Variants in BRINP2 observed in about 807,000 individuals in gnomAD.
The protein encoded by BRINP2 is BMP/retinoic acid-inducible neural-specific protein 2.
Under a neutral mutation model 69.2 loss-of-function variants are expected in BRINP2, and 21 were observed. The ratio of observed to expected loss-of-function variants is 0.30; its 90% CI spans 0.22 to 0.44. The LOEUF is 0.44. Among genes scored for constraint, BRINP2 ranks in the 20% least tolerant of loss-of-function variants. The pLI, the probability that BRINP2 is intolerant of heterozygous loss-of-function variation, is 1.00. For synonymous variants in BRINP2, 380 were observed against 394.1 expected (o/e 0.96, Z 0.42); for missense variants, 877 against 986.0 (o/e 0.89, Z 1.48).
chr1:177,265,578 C>A (rs952449340), intron 4 of BRINP2, among the ~76,000 whole-genome samples: 1 of 152,116 alleles, frequency 6.6e-6, no homozygotes. Flanking sequence ...TCATATTGCT[C>A]CCTGCCTAAA....
intron 6 of BRINP2, among the ~76,000 whole-genome samples, chr1:177,277,985 A>C (rs138029968): frequency 6.6e-6 from 1 of 152,314 alleles, no homozygotes; most frequent in East Asian, 1.9e-4. Context: ...ATATCTGTCC[A>C]AGAGCTGAAG....
At chr1:177,176,790 T>G (rs1249592525) in intron 1 of BRINP2, among the ~76,000 whole-genome samples, 1 of 152,152 alleles carries the variant, frequency 6.6e-6, no homozygotes, top group Non-Finnish European at 1.5e-5. Flanking sequence ...TTAACTGTAA[T>G]TAAGCCCACC....
intron 1 of BRINP2, among the ~76,000 whole-genome samples, chr1:177,172,382 A>G (rs1027205014): frequency 9.9e-5 from 15 of 152,202 alleles, no homozygotes; most frequent in African/African-American, 3.4e-4. Context: ...TGCTGGTATC[A>G]TCTAGCAGAT....
rs74670943 is a variant in BRINP2, at chr1:177,179,755, A to G, written c.-77+8023A>G. ...GAGGCATGAGTAAAAGGGGAAAAGA[A>G]AATTATTTTTTAACAAGATGAGAAG... is the stretch of plus-strand genomic sequence containing the variant. On this transcript the variant is annotated intron_variant, in intron 1 of 7. Transcript: ENST00000361539. 6.6e-5 allele frequency among the ~76,000 whole-genome samples: 10 copies of G among 152,322 alleles called. No individual in the cohort carries two copies. The East Asian group carries it at 1.9e-3, about 29-fold the overall frequency.
intron 1 of BRINP2, among the ~76,000 whole-genome samples, chr1:177,204,019 G>A (rs554910103): frequency 2.0e-5 from 3 of 152,314 alleles, no homozygotes; most frequent in South Asian, 2.1e-4. Flanking sequence ...AGGAGCAAGT[G>A]CCCTGTGGTT....
rs540403361 is a variant in BRINP2 at position 177,195,645 on chromosome 1, C to T, written c.-77+23913C>T. On this transcript the variant is annotated intron_variant, in intron 1 of 7. Transcript: ENST00000361539. Reference sequence around the variant, plus strand: ...TGGCTCAAGCAAAGTCAAACCAACACCAACGCTGGCAAGTGGGGGGGGAAT... The same window carrying T: ...TGGCTCAAGCAAAGTCAAACCAACATCAACGCTGGCAAGTGGGGGGGGAAT... Among the ~76,000 whole-genome samples the T allele has an allele frequency of 3.2e-3, 486 of 151,914 alleles. 1 individual carries two copies. The highest frequency in any genetic ancestry group is 8.7e-3 in the African/African-American group (361 of 41,420).
chr1:177,180,408 T>C (rs1394164552), intron 1 of BRINP2, among the ~76,000 whole-genome samples: 3 of 152,186 alleles, frequency 2.0e-5, no homozygotes, highest in Non-Finnish European at 4.4e-5. Context: ...TCAGCCTCAG[T>C]ACCCCCACCT....
intron 2 of BRINP2, among the ~76,000 whole-genome samples, chr1:177,242,057 C>T (rs186767405): frequency 6.6e-6 from 1 of 152,324 alleles, no homozygotes; most frequent in East Asian, 1.9e-4. Flanking sequence ...CTGCTACACT[C>T]TTTGCCACCT....
intron 2 of BRINP2, 38 bp from the exon 3 acceptor site, chr1:177,255,881 G>C: frequency 6.3e-7 from 1 of 1,597,134 alleles, no homozygotes; most frequent in Non-Finnish European, 8.6e-7. Flanking sequence ...GCTCTGAAAC[G>C]AGGTCAGCTT....
At chr1:177,172,789 A>C (rs1198188195) in intron 1 of BRINP2, among the ~76,000 whole-genome samples, 1 of 152,176 alleles carries the variant, frequency 6.6e-6, no homozygotes, top group East Asian at 1.9e-4. Context: ...AGCAGAAACA[A>C]ATGTTTTGTT....
chr1:177,249,306 T>C (rs1216001499), intron 2 of BRINP2, among the ~76,000 whole-genome samples: 1 of 152,168 alleles, frequency 6.6e-6, no homozygotes, highest in Non-Finnish European at 1.5e-5. Context: ...TAGAGGAAGA[T>C]GGAAAATGGA....
rs544480427 is a variant in BRINP2 at position 177,180,740 on chromosome 1, C to T, written c.-77+9008C>T. Among the ~76,000 whole-genome samples the T allele has an allele frequency of 3.9e-5, 6 of 152,180 alleles. No homozygotes were observed. The East Asian group carries it at 1.2e-3, about 29-fold the overall frequency. On this transcript the variant is annotated intron_variant, in intron 1 of 7. Coordinates refer to ENST00000361539, the MANE Select transcript of BRINP2 (RefSeq NM_021165.4). ...GTTCCCTAGGGCAACTCCTTGGAACCTAAAAGTATTCAAAACACATTGAAG... is the reference window on the plus strand; with the variant it reads ...GTTCCCTAGGGCAACTCCTTGGAACTTAAAAGTATTCAAAACACATTGAAG...
chr1:177,194,458 A>G (rs1049434321), intron 1 of BRINP2, among the ~76,000 whole-genome samples: 1 of 152,104 alleles, frequency 6.6e-6, no homozygotes, highest in African/African-American at 2.4e-5. Flanking sequence ...TCTATCTTGG[A>G]CTCTGCCTGA....
chr1:177,255,192 C>G (rs1650715940), intron 2 of BRINP2, among the ~76,000 whole-genome samples: 2 of 152,328 alleles, frequency 1.3e-5, no homozygotes, highest in African/African-American at 4.8e-5. Context: ...GAGTGCAGCT[C>G]TTTTCTGCTA....
chr1:177,233,764 AGGTCAAGCCCTTGTGTCTAAAGTTAAG>A (rs1275553713), intron 2 of BRINP2, among the ~76,000 whole-genome samples: 1 of 152,214 alleles, frequency 6.6e-6, no homozygotes, highest in Non-Finnish European at 1.5e-5. Context: ...AAGTTGCCAT[AGGTCAAGCCCTTGTGTCTAAAGTTAAG>A]GATGGCTCAC....
At chr1:177,231,427 C>T (rs1287152238) in intron 2 of BRINP2, among the ~76,000 whole-genome samples, 4 of 152,108 alleles carry the variant, frequency 2.6e-5, no homozygotes, top group South Asian at 2.1e-4. Context: ...AGTAAGGGGT[C>T]GCAGAAGTAT....
At chr1:177,185,617 T>C (rs1377225859) in intron 1 of BRINP2, among the ~76,000 whole-genome samples, 1 of 152,236 alleles carries the variant, frequency 6.6e-6, no homozygotes, top group Non-Finnish European at 1.5e-5. Flanking sequence ...TAGTCTATGT[T>C]TTTAATATGT....
intron 2 of BRINP2, among the ~76,000 whole-genome samples, chr1:177,237,384 A>G (rs1358913179): frequency 6.8e-6 from 1 of 147,496 alleles, no homozygotes; most frequent in African/African-American, 2.5e-5. Flanking sequence ...CAAATGCTAG[A>G]AAGAAGACAT....
At chr1:177,261,873 C>A (rs979765722) in intron 4 of BRINP2, among the ~76,000 whole-genome samples, 1 of 152,140 alleles carries the variant, frequency 6.6e-6, no homozygotes, top group African/African-American at 2.4e-5. Flanking sequence ...CCAAAGCGGG[C>A]TCACAAAGCC....
Sources: allele counts gnomAD v4.1 joint callset (sites outside exome capture counted in the v4.1 genomes callset), GRCh38; gene constraint gnomAD v4.1.1; transcripts MANE v1.5; gene names NCBI Gene and HGNC (gene_info 2026-07-23, HGNC 2026-07-21).